The following FHIT variants were observed in gnomAD, a reference collection of about 807,000 sequenced individuals.
FHIT encodes fragile histidine triad diadenosine triphosphatase.
FHIT carries 19 observed loss-of-function variants against 17.9 expected under a neutral mutation model. The observed-to-expected ratio is 1.06, with a 90% CI of 0.74 to 1.56. The LOEUF is 1.56. Among genes scored for constraint, FHIT ranks in the 40% most tolerant of loss-of-function variants. FHIT has a pLI of 0.00. For missense variants in FHIT, 248 were observed against 189.2 expected (o/e 1.31, Z -1.82); for synonymous variants, 81 against 69.7 (o/e 1.16, Z -0.81).
At chr3:60,265,636 ACAAT>A (rs1241804247) in intron 5 of FHIT, among the ~76,000 whole-genome samples, 2 of 152,000 alleles carry the variant, frequency 1.3e-5, no homozygotes, top group African/African-American at 2.4e-5. Flanking sequence ...AAGTGAGAAG[ACAAT>A]CAAAGAGGAA....
At chr3:59,915,541 T>C (rs1240790204) in intron 8 of FHIT, among the ~76,000 whole-genome samples, 1 of 152,168 alleles carries the variant, frequency 6.6e-6, no homozygotes, top group Non-Finnish European at 1.5e-5. Context: ...CTTTCATTAC[T>C]TTTCCTCTTT....
intron 5 of FHIT, among the ~76,000 whole-genome samples, chr3:60,339,399 C>G (rs1015783755): frequency 4.6e-5 from 7 of 152,128 alleles, no homozygotes; most frequent in Non-Finnish European, 1.0e-4. Context: ...CTAATTCTCA[C>G]CTAACACACC....
At chr3:59,870,434 G>C (rs1183596174) in intron 8 of FHIT, among the ~76,000 whole-genome samples, 1 of 152,094 alleles carries the variant, frequency 6.6e-6, no homozygotes, top group Non-Finnish European at 1.5e-5. Flanking sequence ...CAGTCTTAAC[G>C]AGTCTTAATA....
chr3:60,351,905 C>G (rs1699419218), intron 5 of FHIT, among the ~76,000 whole-genome samples: 1 of 152,172 alleles, frequency 6.6e-6, no homozygotes, highest in South Asian at 2.1e-4. Flanking sequence ...ATTTAATTAG[C>G]TAGCTCTTAC....
At chr3:60,696,795 T>A (rs2041122102) in intron 4 of FHIT, among the ~76,000 whole-genome samples, 1 of 152,196 alleles carries the variant, frequency 6.6e-6, no homozygotes. Context: ...TGGTAAACAT[T>A]ACGACCTTAG....
rs558261921 is a variant in FHIT at position 59,982,933 on chromosome 3, T to C, written c.279+28438A>G. On this transcript the variant is annotated intron_variant, in intron 7 of 9. Transcript: ENST00000492590. The stretch of plus-strand genomic sequence containing the variant: ...GGAAAAGATGAAGTCCTATGCATCG[T>C]GCATTAGCCAGGATTCTTTTTTTGA... 5.3e-5 allele frequency among the ~76,000 whole-genome samples: 8 copies of C among 152,158 alleles called. No individual in the cohort carries two copies. The South Asian group carries it at 1.2e-3, about 24-fold the overall frequency.
At chr3:60,005,793 G>A (rs1575864744) in intron 7 of FHIT, among the ~76,000 whole-genome samples, 1 of 152,174 alleles carries the variant, frequency 6.6e-6, no homozygotes, top group Non-Finnish European at 1.5e-5. Context: ...CTCTCTTGGA[G>A]TGTCTTTCCA....
chr3:61,045,755 C>T (rs946000023), intron 2 of FHIT, among the ~76,000 whole-genome samples: 1 of 152,134 alleles, frequency 6.6e-6, no homozygotes, highest in Non-Finnish European at 1.5e-5. Flanking sequence ...CACTCCTCAG[C>T]AAATGTAAAA....
intron 5 of FHIT, among the ~76,000 whole-genome samples, chr3:60,443,400 G>A (rs2031067784): frequency 6.6e-6 from 1 of 152,100 alleles, no homozygotes; most frequent in Non-Finnish European, 1.5e-5. Flanking sequence ...TATGATATTG[G>A]CTGTGGGTTT....
chr3:61,191,771 A>G (rs1392399775), intron 2 of FHIT, among the ~76,000 whole-genome samples: 1 of 151,980 alleles, frequency 6.6e-6, no homozygotes, highest in African/African-American at 2.4e-5. Context: ...CATGCCCTAC[A>G]CACACACATC....
Position 60,048,195 on chromosome 3 carries a change from G to C in FHIT, c.104-34043C>G, listed in dbSNP as rs533543990. 6.9e-4 allele frequency among the ~76,000 whole-genome samples: 105 copies of C among 152,076 alleles called. 2 individuals carry two copies. Among genetic ancestry groups the C allele is most frequent in the Non-Finnish European group, 6.0e-4 (41 of 67,978 alleles). ...CTCTCTTTCTTTGTTTTCTTCTTTT[G>C]AGACAGAGTCTCACTCTGCTGTCCA... On this transcript the variant is annotated intron_variant, in intron 5 of 9. Coordinates refer to ENST00000492590, the MANE Select transcript of FHIT (RefSeq NM_002012.4).
At chr3:60,779,315 A>G (rs927927541) in intron 4 of FHIT, among the ~76,000 whole-genome samples, 1 of 152,142 alleles carries the variant, frequency 6.6e-6, no homozygotes, top group Non-Finnish European at 1.5e-5. Context: ...TTTTAGACCA[A>G]CCCTGCTTGC....
Position 60,042,633 on chromosome 3 carries a change from A to G in FHIT, c.104-28481T>C, listed in dbSNP as rs546341178. ...TACAAGTCATATTGCACTAGGGCCC[A>G]CCCCAGTGACCTCATCTTAACCTGA... On this transcript the variant is annotated intron_variant, in intron 5 of 9. Transcript: ENST00000492590. 3.9e-5 allele frequency among the ~76,000 whole-genome samples: 6 copies of G among 151,918 alleles called. No individual in the cohort carries two copies. The South Asian group carries it at 1.3e-3, about 32-fold the overall frequency.
Position 60,600,973 on chromosome 3 carries a change from C to T in FHIT, c.-17-63994G>A, listed in dbSNP as rs1006381537. Among the ~76,000 whole-genome samples, 15 of 152,212 alleles carry T rather than the reference C, an allele frequency of 9.9e-5. No individual in the cohort carries two copies. The South Asian group carries it at 2.7e-3, about 27-fold the overall frequency. On this transcript the variant is annotated intron_variant, in intron 4 of 9. Transcript: ENST00000492590. ...CTGGAATTGAGCTCCCCTTCCGGGC[C>T]CCTCACCTATGTTTCTCCATTCAAG...
Position 59,995,563 on chromosome 3 carries a change from A to G in FHIT, c.279+15808T>C, listed in dbSNP as rs1484704371. ...ATGTTTTATTTCAGCTATGATGGTA[A>G]TATTTTTTAAATTATGCTATTATCC... On this transcript the variant is annotated intron_variant, in intron 7 of 9. Coordinates refer to ENST00000492590, the MANE Select transcript of FHIT (RefSeq NM_002012.4). 3.3e-5 allele frequency among the ~76,000 whole-genome samples: 5 copies of G among 152,148 alleles called. No homozygotes were observed. The East Asian group carries it at 9.7e-4, about 29-fold the overall frequency.
intron 1 of FHIT, among the ~76,000 whole-genome samples, chr3:61,225,293 G>T (rs564227723): frequency 6.6e-6 from 1 of 152,086 alleles, no homozygotes. Flanking sequence ...TTAATGCCTG[G>T]TTATATTCTT....
chr3:60,724,388 G>T (rs1027442424), intron 4 of FHIT, among the ~76,000 whole-genome samples: 2 of 152,048 alleles, frequency 1.3e-5, no homozygotes, highest in African/African-American at 4.8e-5. Context: ...TCAGTAAATG[G>T]AACTTTGTAT....
chr3:60,516,464 T>G (rs1038190841), intron 5 of FHIT, among the ~76,000 whole-genome samples: 1 of 152,166 alleles, frequency 6.6e-6, no homozygotes, highest in Non-Finnish European at 1.5e-5. Context: ...TCACAAATTC[T>G]GCAAAGGTCT....
intron 5 of FHIT, among the ~76,000 whole-genome samples, chr3:60,409,503 T>G (rs1701990510): frequency 6.6e-6 from 1 of 152,190 alleles, no homozygotes; most frequent in African/African-American, 2.4e-5. Flanking sequence ...ACTCTGGATA[T>G]TTATAGCTGT....
Sources: allele counts gnomAD v4.1 joint callset (sites outside exome capture counted in the v4.1 genomes callset), GRCh38; gene constraint gnomAD v4.1.1; transcripts MANE v1.5; gene names NCBI Gene and HGNC (gene_info 2026-07-23, HGNC 2026-07-21).